Variants in MNAT1 observed in about 807,000 individuals in gnomAD.
The protein encoded by MNAT1 is CDK-activating kinase assembly factor MAT1.
A neutral mutation model predicts 42.0 loss-of-function variants in MNAT1; 43 were observed. The ratio of observed to expected loss-of-function variants is 1.02; its 90% CI spans 0.80 to 1.32. MNAT1 has a LOEUF of 1.32. Ranked by LOEUF, MNAT1 falls within the 40% of genes most tolerant of loss-of-function variation. The pLI, the probability that MNAT1 is intolerant of heterozygous loss-of-function variation, is 0.00. For synonymous variants in MNAT1, 118 were observed against 120.0 expected (o/e 0.98, Z 0.11); for missense variants, 306 against 350.4 (o/e 0.87, Z 1.01).
intron 1 of MNAT1, among the ~76,000 whole-genome samples, chr14:60,778,869 A>C (rs1306636844): frequency 6.6e-6 from 1 of 152,220 alleles, no homozygotes; most frequent in African/African-American, 2.4e-5. Flanking sequence ...GGTAATATGT[A>C]CACGGGTTCA....
At chr14:60,780,355 T>C in intron 1 of MNAT1, 1 of 1,577,242 alleles carries the variant, frequency 6.3e-7, no homozygotes, top group Non-Finnish European at 8.7e-7. Flanking sequence ...CTATTCAGGA[T>C]GAAATCCGTT....
At chr14:60,736,900 A>G (rs967842530) in intron 1 of MNAT1, among the ~76,000 whole-genome samples, 1 of 152,134 alleles carries the variant, frequency 6.6e-6, no homozygotes, top group African/African-American at 2.4e-5. Context: ...TTTGTGTGGC[A>G]TGGGTGATAA....
intron 7 of MNAT1, among the ~76,000 whole-genome samples, chr14:60,908,453 T>C (rs897254049): frequency 3.3e-5 from 5 of 152,180 alleles, no homozygotes; most frequent in Non-Finnish European, 7.3e-5. Flanking sequence ...GTATATCTTC[T>C]AATGCTATCC....
intron 7 of MNAT1, among the ~76,000 whole-genome samples, chr14:60,912,892 G>T (rs1193310149): frequency 6.6e-6 from 1 of 152,200 alleles, no homozygotes; most frequent in African/African-American, 2.4e-5. Flanking sequence ...GATTGGGGAA[G>T]TTCTCCTGGA....
At chr14:60,946,756 C>G (rs1566574141) in intron 7 of MNAT1, among the ~76,000 whole-genome samples, 2 of 152,144 alleles carry the variant, frequency 1.3e-5, no homozygotes, top group Admixed American at 1.3e-4. Context: ...GAGACCAGTA[C>G]TATGGGGGTA....
chr14:60,937,731 A>T (rs2036034400), intron 7 of MNAT1, among the ~76,000 whole-genome samples: 1 of 151,992 alleles, frequency 6.6e-6, no homozygotes, highest in South Asian at 2.1e-4. Context: ...TTGGTTCCAT[A>T]TGAACTTTAA....
chr14:60,827,088 G>C (rs982494103), intron 6 of MNAT1, among the ~76,000 whole-genome samples: 47 of 152,266 alleles, frequency 3.1e-4, no homozygotes, highest in African/African-American at 9.9e-4. Flanking sequence ...ACCTATGGAT[G>C]TCAAAAGATA....
In MNAT1 at chr14:60,968,733, C is replaced by T. The variant is rs911329308; in HGVS notation, c.*384C>T. 10 of 286,144 alleles carry T rather than the reference C, an allele frequency of 3.5e-5. No homozygotes were observed. Among genetic ancestry groups the T allele is most frequent in the South Asian group, 3.1e-4 (9 of 29,504 alleles). 17.7% of individuals were successfully genotyped at this position (286,144 alleles called of 1,614,324 possible). A position where few individuals can be genotyped will look rare whatever the true frequency, so the allele number is the denominator to read the frequency against. On this transcript the variant is annotated 3_prime_UTR_variant, in exon 8 of 8. Transcript: ENST00000261245. Reference sequence around the variant, plus strand: ...GTTTTACTTGAACACATTTTAAATACCATTTTGATTACAACATTTACTGTT... The same window carrying T: ...GTTTTACTTGAACACATTTTAAATATCATTTTGATTACAACATTTACTGTT...
At chr14:60,941,956 A>T (rs977548668) in intron 7 of MNAT1, among the ~76,000 whole-genome samples, 1 of 128,546 alleles carries the variant, frequency 7.8e-6, no homozygotes, top group African/African-American at 2.8e-5. Flanking sequence ...GTGAGCCGAG[A>T]TCGCACCACT....
intron 7 of MNAT1, among the ~76,000 whole-genome samples, chr14:60,900,082 CTT>C (rs2035043405): frequency 6.6e-6 from 1 of 151,250 alleles, no homozygotes; most frequent in South Asian, 2.1e-4. Context: ...CTCTCTCTCT[CTT>C]ACCTTGGACT....
intron 5 of MNAT1, 91 bp downstream of exon 5, chr14:60,812,218 C>T: frequency 1.6e-6 from 2 of 1,250,766 alleles, no homozygotes; most frequent in Non-Finnish European, 1.1e-6. Context: ...AAGGGCTTTT[C>T]CACAGTGTTT....
intron 7 of MNAT1, among the ~76,000 whole-genome samples, chr14:60,905,835 A>G (rs1053381071): frequency 1.5e-4 from 23 of 152,274 alleles, no homozygotes; most frequent in African/African-American, 5.5e-4. Context: ...TATATTTTGT[A>G]CTAAGACTTT....
At chr14:60,830,213 A>G (rs2033175891) in intron 6 of MNAT1, among the ~76,000 whole-genome samples, 3 of 152,208 alleles carry the variant, frequency 2.0e-5, no homozygotes, top group Admixed American at 2.0e-4. Flanking sequence ...AATTGTTAGC[A>G]AAAGAATGGA....
intron 3 of MNAT1, among the ~76,000 whole-genome samples, chr14:60,807,381 T>A (rs1041582296): frequency 6.6e-6 from 1 of 152,060 alleles, no homozygotes; most frequent in Admixed American, 6.6e-5. Flanking sequence ...TTATTTAGGG[T>A]AGATCCGTCT....
chr14:60,840,364 A>G (rs2033512731), intron 6 of MNAT1, among the ~76,000 whole-genome samples: 1 of 152,260 alleles, frequency 6.6e-6, no homozygotes, highest in Non-Finnish European at 1.5e-5. Flanking sequence ...AAAGCATCTC[A>G]TACTACAGTG....
At chr14:60,940,139 A>G (rs1163558118) in intron 7 of MNAT1, among the ~76,000 whole-genome samples, 1 of 152,020 alleles carries the variant, frequency 6.6e-6, no homozygotes, top group Non-Finnish European at 1.5e-5. Context: ...TGCACGTGAG[A>G]TGGGTTTCCT....
intron 1 of MNAT1, among the ~76,000 whole-genome samples, chr14:60,742,061 G>A (rs1896485801): frequency 6.6e-6 from 1 of 151,624 alleles, no homozygotes; most frequent in Non-Finnish European, 1.5e-5. Flanking sequence ...CTATTAGCCG[G>A]TAGCTTTTTA....
intron 1 of MNAT1, among the ~76,000 whole-genome samples, chr14:60,769,041 G>C (rs1159039924): frequency 6.6e-6 from 1 of 152,144 alleles, no homozygotes; most frequent in Admixed American, 6.5e-5. Context: ...TCAAATGCTT[G>C]TGCACTAACC....
At chr14:60,897,995 T>C (rs2034993148) in intron 7 of MNAT1, among the ~76,000 whole-genome samples, 1 of 152,174 alleles carries the variant, frequency 6.6e-6, no homozygotes, top group Non-Finnish European at 1.5e-5. Flanking sequence ...GTTGTCTTTC[T>C]GTGTCTGATT....
Sources: allele counts gnomAD v4.1 joint callset (sites outside exome capture counted in the v4.1 genomes callset), GRCh38; gene constraint gnomAD v4.1.1; transcripts MANE v1.5; gene names NCBI Gene and HGNC (gene_info 2026-07-23, HGNC 2026-07-21).